ANGPT4: variants seen among roughly 807,000 people sequenced by gnomAD.
ANGPT4 encodes angiopoietin-4.
Under a neutral mutation model 53.0 loss-of-function variants are expected in ANGPT4, and 50 were observed. The ratio of observed to expected loss-of-function variants is 0.94; its 90% CI spans 0.75 to 1.20. ANGPT4 has a LOEUF of 1.20. ANGPT4 is among the 50% of genes most tolerant of loss of function. The probability of loss-of-function intolerance (pLI) is 0.00; values close to 1 mark genes in which losing one functional copy is unlikely to be tolerated. For missense variants in ANGPT4, 648 were observed against 637.1 expected (o/e 1.02, Z -0.18); for synonymous variants, 251 against 259.7 (o/e 0.97, Z 0.32).
chr20:874,258 G>C, intron 8 of ANGPT4, 26 bp downstream of exon 8: 1 of 1,612,874 alleles, frequency 6.2e-7, no homozygotes, highest in African/African-American at 1.3e-5. Context: ...GTGGGTGGGC[G>C]GAGCTTCACC....
At chr20:909,852 A>G (rs995960920) in intron 1 of ANGPT4, among the ~76,000 whole-genome samples, 1 of 152,228 alleles carries the variant, frequency 6.6e-6, no homozygotes, top group African/African-American at 2.4e-5. Flanking sequence ...GGGGACACCC[A>G]GACTGAGCTT....
intron 1 of ANGPT4, among the ~76,000 whole-genome samples, chr20:897,007 C>T (rs1982080735): frequency 6.6e-6 from 1 of 152,140 alleles, no homozygotes; most frequent in Non-Finnish European, 1.5e-5. Context: ...ATTCCTTCTC[C>T]TGGACAATAA....
At position 908,627 on chromosome 20, in the gene ANGPT4, A is replaced by T. The variant is rs1017805301; in HGVS notation, c.309+7279T>A. Among the ~76,000 whole-genome samples the T allele has an allele frequency of 1.3e-5, 2 of 152,200 alleles. No individual in the cohort carries two copies. Among genetic ancestry groups the T allele is most frequent in the Non-Finnish European group, 2.9e-5 (2 of 68,026 alleles). On this transcript the variant is annotated intron_variant, in intron 1 of 8. Coordinates refer to ENST00000381922, the MANE Select transcript of ANGPT4 (RefSeq NM_015985.4). The surrounding 1 kb of genome is among the most constrained non-coding windows in gnomAD (Gnocchi z 4.9). ...GGGGGAAGGATGGTCTTCCTTGCTC[A>T]CTACTAAATCCTTGTCACTTGCATG... is the stretch of plus-strand genomic sequence containing the variant.
chr20:892,194 C>A (rs1381368745), intron 1 of ANGPT4, among the ~76,000 whole-genome samples: 1 of 151,770 alleles, frequency 6.6e-6, no homozygotes, highest in East Asian at 1.9e-4. Context: ...CAACACAAAA[C>A]TTCTACAAGT....
In ANGPT4 at chr20:915,990, G is replaced by T; in HGVS notation, c.225C>A (p.Asn75Lys). 6.2e-7 allele frequency: 1 copy of T among 1,613,460 alleles called. No individual in the cohort carries two copies. The highest frequency in any genetic ancestry group is 2.2e-5 in the East Asian group (1 of 44,858). Residue 75 changes from asparagine to lysine, a missense_variant, in exon 1 of 9, where the codon AAC (asparagine) becomes AAA (lysine). Physicochemically the swap from Asn to Lys is moderately conservative, Grantham distance 94 (BLOSUM62 0). Transcript: ENST00000381922. ...SNTLQRESLA[N>K]PLHLGKLPTQ... ...TGGGCAACTTCCCCAGGTGCAGTGG[G>T]TTGGCCAGTGATTCTCTCTGGAGGG...
intron 1 of ANGPT4, among the ~76,000 whole-genome samples, chr20:897,700 G>A (rs553809269): frequency 1.3e-5 from 2 of 152,238 alleles, no homozygotes; most frequent in East Asian, 3.9e-4. Context: ...CCATATTACA[G>A]CCCAGGGCTG....
At chr20:879,899 G>A in intron 5 of ANGPT4, 51 bp from the exon 6 acceptor site, 6 of 1,468,698 alleles carry the variant, frequency 4.1e-6, no homozygotes, top group Non-Finnish European at 5.6e-6. Context: ...GTAGCCAGAG[G>A]CCAGGCCTGT....
intron 1 of ANGPT4, among the ~76,000 whole-genome samples, chr20:896,328 A>G (rs969242358): frequency 2.0e-5 from 3 of 152,344 alleles, no homozygotes; most frequent in African/African-American, 7.2e-5. Context: ...AATGCTATGA[A>G]GAAAATAAGA....
chr20:887,543 C>T (rs1391598586), intron 3 of ANGPT4, among the ~76,000 whole-genome samples: 1 of 151,856 alleles, frequency 6.6e-6, no homozygotes, highest in East Asian at 1.9e-4. Flanking sequence ...AGAACCCTGA[C>T]TTTGGCAGCT....
At chr20:890,989 T>G (rs967172687) in intron 1 of ANGPT4, among the ~76,000 whole-genome samples, 1 of 152,238 alleles carries the variant, frequency 6.6e-6, no homozygotes, top group Non-Finnish European at 1.5e-5. Context: ...ATCTCTCTTT[T>G]TATCTGTCTG....
chr20:874,425 C>A lies in ANGPT4; in HGVS notation c.1221-11G>T. On this transcript the variant is annotated splice_polypyrimidine_tract_variant and intron_variant, in intron 7 of 8. Coordinates refer to ENST00000381922, the MANE Select transcript of ANGPT4 (RefSeq NM_015985.4). ...CCGACCACAGAAAGCCTGGAGGCCA[C>A]CCAGAGGTGGTGGTGGCAGAAGGGC... The A allele has an allele frequency of 6.2e-7, 1 of 1,612,816 alleles. No individual in the cohort carries two copies. The highest frequency in any genetic ancestry group is 8.5e-7 in the Non-Finnish European group (1 of 1,179,896).
chr20:892,238 A>T (rs1981875148), intron 1 of ANGPT4, among the ~76,000 whole-genome samples: 1 of 152,060 alleles, frequency 6.6e-6, no homozygotes, highest in Non-Finnish European at 1.5e-5. Context: ...ACCCACCCTC[A>T]CTTAAAAAAC....
chr20:887,479 C>G (rs1481117709), intron 3 of ANGPT4, among the ~76,000 whole-genome samples: 2 of 152,202 alleles, frequency 1.3e-5, no homozygotes, highest in Non-Finnish European at 2.9e-5. Flanking sequence ...ACAACAACAT[C>G]TTGCCTGATT....
At position 885,092 on chromosome 20, in the gene ANGPT4, T is replaced by A. The variant is rs768613578; in HGVS notation, c.821A>T (p.Asn274Ile). 1.2e-6 allele frequency: 2 copies of A among 1,613,698 alleles called. No homozygotes were observed. Among genetic ancestry groups the A allele is most frequent in the South Asian group, 2.2e-5 (2 of 91,042 alleles). ...CGCTCACTCACCCGGGGCCGAGGCG[T>A]TAGCCCTTTCTTGCACCAGGTGCCG... ...LLRHLVQERA[N>I]ASAPAFIMAG... The change falls in exon 4 of 9, where the codon AAC becomes ATC. Residue 274 changes from asparagine to isoleucine, a missense_variant. By Grantham distance (149) the Asn-to-Ile change is moderately radical (BLOSUM62 -3). Transcript: ENST00000381922.
chr20:893,012 C>T (rs1464854398), intron 1 of ANGPT4, among the ~76,000 whole-genome samples: 1 of 152,202 alleles, frequency 6.6e-6, no homozygotes, highest in Non-Finnish European at 1.5e-5. Context: ...TCTCTGACTC[C>T]TCCTTTACAG....
chr20:915,971 A>G lies in ANGPT4; in HGVS notation c.244T>C (p.Leu82=), dbSNP rs1982920530. 1.9e-6 allele frequency: 3 copies of G among 1,609,924 alleles called. No homozygotes were observed. In the Admixed American group the frequency reaches 5.0e-5, roughly 27 times the overall value. ...AGCTGTTTCACCTGCTGGGTGGGCA[A>G]CTTCCCCAGGTGCAGTGGGTTGGCC... The part of the protein sequence containing the change: ...SLANPLHLGK[L]PTQQVKQLEQ... Residue 82 remains leucine (L), a synonymous_variant, in exon 1 of 9, where the codon TTG becomes CTG. Transcript: ENST00000381922.
chr20:873,750 G>T (rs533227249), intron 8 of ANGPT4, among the ~76,000 whole-genome samples: 5 of 152,150 alleles, frequency 3.3e-5, no homozygotes, highest in Middle Eastern at 3.4e-3. Context: ...GCTGCTCAAT[G>T]ACTCTGACAG....
intron 4 of ANGPT4, among the ~76,000 whole-genome samples, chr20:882,974 C>T (rs141719556): frequency 0.013 from 2,048 of 152,342 alleles, 34 homozygotes; most frequent in African/African-American, 0.034. Flanking sequence ...TGGTCCTCCT[C>T]TGAATATCTG....
intron 5 of ANGPT4, among the ~76,000 whole-genome samples, chr20:880,362 A>G (rs1410730842): frequency 6.6e-6 from 1 of 152,114 alleles, no homozygotes; most frequent in Non-Finnish European, 1.5e-5. Flanking sequence ...AGGAGGGAGG[A>G]TCGCTTGAGC....
Sources: gnomAD v4.1 joint callset for allele counts (sites outside exome capture counted in the v4.1 genomes callset) on GRCh38, gnomAD v4.1.1 for gene constraint, Gnocchi (gnomAD v3.1) non-coding constraint, MANE v1.5 for transcripts, NCBI Gene and HGNC (gene_info 2026-07-23, HGNC 2026-07-21) for gene names.